KHDRBS2: variants seen among roughly 807,000 people sequenced by gnomAD.
The protein encoded by KHDRBS2 is KH RNA binding domain containing, signal transduction associated 2, also known as KH domain-containing, RNA-binding, signal transduction-associated protein 2.
A neutral mutation model predicts 44.3 loss-of-function variants in KHDRBS2; 26 were observed. The observed-to-expected ratio is 0.59, with a 90% CI of 0.43 to 0.81. The LOEUF (loss-of-function observed/expected upper bound fraction) is 0.81, where lower values mean the gene tolerates loss of function less well. Ranked by LOEUF, KHDRBS2 falls within the 40% of genes least tolerant of loss-of-function variation. The probability of loss-of-function intolerance (pLI) is 0.00; values close to 1 mark genes in which losing one functional copy is unlikely to be tolerated. For synonymous variants in KHDRBS2, 194 were observed against 151.1 expected (o/e 1.28, Z -2.08); for missense variants, 476 against 433.1 (o/e 1.10, Z -0.88).
At chr6:61,583,355 T>A in the KHDRBS2 span, among the ~76,000 whole-genome samples, 160 of 151,916 alleles carry the variant, frequency 1.1e-3, no homozygotes, top group African/African-American at 3.7e-3. Flanking sequence ...TTTTGTAAAA[T>A]AACACAGCTT....
intron 6 of KHDRBS2, among the ~76,000 whole-genome samples, chr6:61,849,300 A>G (rs989393932): frequency 2.0e-5 from 3 of 152,104 alleles, no homozygotes; most frequent in African/African-American, 4.8e-5. Flanking sequence ...TTCTTGACAC[A>G]GGTTCCTGTG....
intron 1 of KHDRBS2, among the ~76,000 whole-genome samples, chr6:62,208,652 T>G (rs1828465629): frequency 6.6e-6 from 1 of 152,166 alleles, no homozygotes; most frequent in South Asian, 2.1e-4. Context: ...TTTAAAAACC[T>G]CCATACTGTT....
intron 8 of KHDRBS2, among the ~76,000 whole-genome samples, chr6:61,681,613 A>G (rs1766316093): frequency 1.3e-5 from 2 of 150,314 alleles, no homozygotes; most frequent in African/African-American, 4.9e-5. Context: ...AGTAGAAAAA[A>G]CCTTAAGCAG....
the KHDRBS2 span, among the ~76,000 whole-genome samples, chr6:61,621,796 A>C: frequency 6.6e-6 from 1 of 152,330 alleles, no homozygotes; most frequent in South Asian, 2.1e-4. Context: ...CATTTATATA[A>C]GACTCACATT....
At chr6:62,060,190 T>C (rs1390366511) in intron 2 of KHDRBS2, among the ~76,000 whole-genome samples, 2 of 151,706 alleles carry the variant, frequency 1.3e-5, no homozygotes, top group East Asian at 2.0e-4. Flanking sequence ...AGGGGTGATA[T>C]AGAAAAAAAT....
intron 7 of KHDRBS2, among the ~76,000 whole-genome samples, chr6:61,700,784 T>C (rs1768530528): frequency 6.6e-6 from 1 of 151,630 alleles, no homozygotes; most frequent in Non-Finnish European, 1.5e-5. Flanking sequence ...GTATCTGCAA[T>C]GCAAACAAAG....
intron 4 of KHDRBS2, among the ~76,000 whole-genome samples, chr6:61,909,312 G>A (rs1346926947): frequency 8.6e-5 from 13 of 151,978 alleles, no homozygotes; most frequent in Non-Finnish European, 1.8e-4. Context: ...CAAGTGATCC[G>A]CCCGTCTCAG....
chr6:61,759,298 G>A lies in KHDRBS2; in HGVS notation c.811-26534C>T, dbSNP rs563612366. Among the ~76,000 whole-genome samples, 5 of 152,218 alleles carry A rather than the reference G, an allele frequency of 3.3e-5. No individual in the cohort carries two copies. The South Asian group carries it at 1.0e-3, about 32-fold the overall frequency. ...CCAAAGGTATTTATATTTCCATATA[G>A]TCGTATTTATGGTTTTGCATTTTTG... is the stretch of plus-strand genomic sequence containing the variant. On this transcript the variant is annotated intron_variant, in intron 6 of 8. Coordinates refer to ENST00000281156, the MANE Select transcript of KHDRBS2 (RefSeq NM_152688.4).
chr6:61,914,808 A>T (rs1194522818), intron 4 of KHDRBS2, among the ~76,000 whole-genome samples: 1 of 152,114 alleles, frequency 6.6e-6, no homozygotes, highest in Non-Finnish European at 1.5e-5. Flanking sequence ...AAAATTAAAA[A>T]GACAAAATAC....
intron 1 of KHDRBS2, among the ~76,000 whole-genome samples, chr6:62,254,599 A>G (rs1423790067): frequency 2.6e-5 from 4 of 152,014 alleles, no homozygotes; most frequent in Admixed American, 2.0e-4. Flanking sequence ...AGCTACTATA[A>G]TGGCCCTAAG....
At chr6:62,202,462 A>C (rs1018695244) in intron 1 of KHDRBS2, among the ~76,000 whole-genome samples, 1 of 152,122 alleles carries the variant, frequency 6.6e-6, no homozygotes, top group African/African-American at 2.4e-5. Context: ...TCATAAGACA[A>C]AAGTATTATG....
chr6:61,787,830 C>T (rs1426858682), intron 6 of KHDRBS2, among the ~76,000 whole-genome samples: 1 of 151,594 alleles, frequency 6.6e-6, no homozygotes, highest in Non-Finnish European at 1.5e-5. Context: ...AAGCAGACTG[C>T]ATTTTAACAG....
intron 2 of KHDRBS2, among the ~76,000 whole-genome samples, chr6:62,121,966 A>G (rs1020230239): frequency 2.6e-5 from 4 of 152,104 alleles, no homozygotes; most frequent in African/African-American, 7.2e-5. Flanking sequence ...TACCACCAAG[A>G]AAGAGGCACA....
intron 2 of KHDRBS2, among the ~76,000 whole-genome samples, chr6:62,169,165 ATATATGTATATATG>A (rs1220690409): frequency 4.8e-5 from 4 of 83,856 alleles, no homozygotes; most frequent in Non-Finnish European, 7.8e-5. Context: ...ATACGTACAC[ATATATGTATATATG>A]TATATATACG....
At chr6:62,127,171 T>G (rs1321036993) in intron 2 of KHDRBS2, among the ~76,000 whole-genome samples, 2 of 152,168 alleles carry the variant, frequency 1.3e-5, no homozygotes, top group Non-Finnish European at 2.9e-5. Flanking sequence ...AACTTCAGAT[T>G]CAAAACCTAC....
the KHDRBS2 span, among the ~76,000 whole-genome samples, chr6:61,607,698 C>A: frequency 6.6e-6 from 1 of 151,766 alleles, no homozygotes; most frequent in Non-Finnish European, 1.5e-5. Context: ...AATTTCTTTT[C>A]TTTTTTTGAG....
At chr6:62,069,624 T>C (rs529280469) in intron 2 of KHDRBS2, among the ~76,000 whole-genome samples, 1 of 151,872 alleles carries the variant, frequency 6.6e-6, no homozygotes, top group African/African-American at 2.4e-5. Context: ...GAATATGCAA[T>C]TTAGTTGAGA....
chr6:61,681,633 TAAACA>T (rs76014404), intron 8 of KHDRBS2, among the ~76,000 whole-genome samples: 29,508 of 151,454 alleles, frequency 0.19, 3,015 homozygotes, highest in African/African-American at 0.24. Context: ...GCAAAATCAG[TAAACA>T]AAACAAAACA....
Position 61,749,265 on chromosome 6 carries a change from G to A in KHDRBS2, c.811-16501C>T, listed in dbSNP as rs1288850369. On this transcript the variant is annotated intron_variant, in intron 6 of 8. Coordinates refer to ENST00000281156, the MANE Select transcript of KHDRBS2 (RefSeq NM_152688.4). ...CCTGACCTTGTGATCCACATGCCTC[G>A]GCCTCCTAAAGTGCTGGGATTACAG... 5.9e-5 allele frequency among the ~76,000 whole-genome samples: 9 copies of A among 151,772 alleles called. 1 individual carries two copies. In the South Asian group the frequency reaches 8.3e-4, roughly 14 times the overall value.
Sources: allele counts gnomAD v4.1 joint callset (sites outside exome capture counted in the v4.1 genomes callset), GRCh38; gene constraint gnomAD v4.1.1; transcripts MANE v1.5; gene names NCBI Gene and HGNC (gene_info 2026-07-23, HGNC 2026-07-21).